LGR5: variants seen among roughly 807,000 people sequenced by gnomAD.
The protein encoded by LGR5 is leucine rich repeat containing G protein-coupled receptor 5, also known as leucine-rich repeat-containing G protein-coupled receptor 5.
In LGR5, 54 loss-of-function variants were observed where a neutral mutation model predicts 76.7. The ratio of observed to expected loss-of-function variants is 0.70; its 90% CI spans 0.57 to 0.88. The LOEUF is 0.88. Among genes scored for constraint, LGR5 ranks in the 40% least tolerant of loss-of-function variants. The pLI is 0.00. For missense variants in LGR5, 1,078 were observed against 1,073.3 expected (o/e 1.00, Z -0.06); for synonymous variants, 406 against 421.9 (o/e 0.96, Z 0.46).
At chr12:71,562,620 G>A (rs1370853616) in intron 8 of LGR5, among the ~76,000 whole-genome samples, 1 of 152,138 alleles carries the variant, frequency 6.6e-6, no homozygotes, top group Non-Finnish European at 1.5e-5. Context: ...CTAATTTTAT[G>A]TTTCATATTT....
intron 3 of LGR5, among the ~76,000 whole-genome samples, chr12:71,534,503 A>G (rs1592521611): frequency 8.1e-6 from 1 of 123,990 alleles, no homozygotes; most frequent in Non-Finnish European, 1.9e-5. Flanking sequence ...CAGATCCTTT[A>G]AAAAACATAT....
chr12:71,574,826 G>T (rs532744189), intron 13 of LGR5, among the ~76,000 whole-genome samples: 3 of 152,106 alleles, frequency 2.0e-5, no homozygotes, highest in Non-Finnish European at 4.4e-5. Flanking sequence ...TTCTATCTTT[G>T]GGCCCACTTC....
intron 1 of LGR5, among the ~76,000 whole-genome samples, chr12:71,457,564 C>T (rs1872534963): frequency 6.6e-6 from 1 of 152,028 alleles, no homozygotes; most frequent in African/African-American, 2.4e-5. Context: ...AGAGAAACTC[C>T]AGCTAAAGAT....
chr12:71,574,776 C>G (rs1192697892), intron 13 of LGR5, among the ~76,000 whole-genome samples: 4 of 152,080 alleles, frequency 2.6e-5, no homozygotes, highest in Admixed American at 2.6e-4. Context: ...TCCTCCCCAC[C>G]CATGACTTGT....
At chr12:71,522,398 C>G (rs997655866) in intron 2 of LGR5, among the ~76,000 whole-genome samples, 4 of 152,100 alleles carry the variant, frequency 2.6e-5, no homozygotes, top group Non-Finnish European at 4.4e-5. Flanking sequence ...AAATAAAATA[C>G]CTTTGCCCTG....
intron 3 of LGR5, 146 bp downstream of exon 3, chr12:71,524,623 T>A (rs980248894): frequency 2.0e-6 from 1 of 504,636 alleles, no homozygotes; most frequent in African/African-American, 2.0e-5. Context: ...ATTGGTACCA[T>A]ACAGCCATAT....
Position 71,572,528 on chromosome 12 carries a change from C to T in LGR5, c.1137-322C>T, listed in dbSNP as rs572643795. Among the ~76,000 whole-genome samples the T allele has an allele frequency of 1.6e-4, 24 of 152,290 alleles. No individual in the cohort carries two copies. The South Asian group carries it at 4.8e-3, about 30-fold the overall frequency. ...CCATCTGTAAAAGGTAAAGAATTTACCCTCCTGAAGACCCTCAAAGAATCC... is the reference window on the plus strand; with the variant it reads ...CCATCTGTAAAAGGTAAAGAATTTATCCTCCTGAAGACCCTCAAAGAATCC... On this transcript the variant is annotated intron_variant, in intron 12 of 17. Transcript: ENST00000266674.
intron 2 of LGR5, among the ~76,000 whole-genome samples, chr12:71,509,271 C>T (rs190020448): frequency 5.9e-5 from 9 of 152,186 alleles, no homozygotes; most frequent in Admixed American, 4.6e-4. Flanking sequence ...GATGAAAGAA[C>T]GTTGGTAAAC....
rs562266315 is a variant in LGR5 at position 71,465,057 on chromosome 12, C to T, written c.212+24765C>T. On this transcript the variant is annotated intron_variant, in intron 1 of 17. Transcript: ENST00000266674. ...ATGTCCCTTCATACCTTCAGACCGA[C>T]CAGTTATTGGAGGCAGGCGTCCCCC... 2.8e-3 allele frequency among the ~76,000 whole-genome samples: 432 copies of T among 152,234 alleles called. 3 individuals carry two copies. Among genetic ancestry groups the T allele is most frequent in the Middle Eastern group, 0.02 (6 of 294 alleles).
chr12:71,468,095 G>C (rs1157190438), intron 1 of LGR5, among the ~76,000 whole-genome samples: 1 of 152,118 alleles, frequency 6.6e-6, no homozygotes, highest in Non-Finnish European at 1.5e-5. Flanking sequence ...TATTTATTTT[G>C]ATGGCCAGAA....
chr12:71,480,357 T>G (rs1873537553), intron 1 of LGR5, among the ~76,000 whole-genome samples: 1 of 123,876 alleles, frequency 8.1e-6, no homozygotes, highest in African/African-American at 3.6e-5. Context: ...TGAGACTCTG[T>G]CTCAAAAAAA....
In LGR5 at chr12:71,440,377, G is replaced by A; in HGVS notation, c.212+85G>A. ...AAGGCGAGGCTGGAGGCTCCTCGGC[G>A]CCCGCCTGCTCGTGGGGGAGGGGGG... On this transcript the variant is annotated intron_variant, in intron 1 of 17. Transcript: ENST00000266674. This position sits in a 1 kb window ranked among gnomAD's most constrained non-coding sequence, Gnocchi z 5.3. The A allele has an allele frequency of 1.5e-6, 2 of 1,331,786 alleles. No homozygotes were observed. The highest frequency in any genetic ancestry group is 2.1e-6 in the Non-Finnish European group (2 of 951,698). The allele number at this position is 1,331,786 out of a possible 1,614,324, so 82.5% of individuals were successfully genotyped here. A position where few individuals can be genotyped will look rare whatever the true frequency, so the allele number is the denominator to read the frequency against.
intron 4 of LGR5, among the ~76,000 whole-genome samples, chr12:71,542,860 T>C (rs1050911847): frequency 1.3e-5 from 2 of 151,324 alleles, no homozygotes; most frequent in African/African-American, 4.9e-5. Flanking sequence ...AATCCAGATC[T>C]GGATGGAAAG....
chr12:71,471,029 G>A (rs1873080264), intron 1 of LGR5, among the ~76,000 whole-genome samples: 1 of 152,212 alleles, frequency 6.6e-6, no homozygotes, highest in African/African-American at 2.4e-5. Context: ...CATGAGGACA[G>A]GAATGTTGTT....
intron 1 of LGR5, among the ~76,000 whole-genome samples, chr12:71,501,347 C>A (rs35188601): frequency 0.092 from 14,058 of 152,226 alleles, 696 homozygotes; most frequent in Non-Finnish European, 0.11. Flanking sequence ...GACCTCGGTT[C>A]TAGGCCTGGC....
intron 5 of LGR5, among the ~76,000 whole-genome samples, chr12:71,555,586 A>G (rs1295140555): frequency 6.6e-6 from 1 of 152,192 alleles, no homozygotes; most frequent in Non-Finnish European, 1.5e-5. Context: ...CTGGGAAGGT[A>G]GCCATTATAG....
At position 71,584,438 on chromosome 12, in the gene LGR5, CCA is replaced by C; in HGVS notation, c.2430_2431del (p.Leu811SerfsTer17). The C allele has an allele frequency of 6.2e-7, 1 of 1,613,988 alleles. No homozygotes were observed. The highest frequency in any genetic ancestry group is 8.5e-7 in the Non-Finnish European group (1 of 1,179,884). On this transcript the variant is annotated frameshift_variant, in exon 18 of 18. Coordinates refer to ENST00000266674, the MANE Select transcript of LGR5 (RefSeq NM_003667.4). LOFTEE classifies it high-confidence loss of function. Reference protein sequence around the residue: ...VIKFILLVVVPLPACLNPLLY... With the variant: ...VIKFILLVVVXLPACLNPLLY... Reference sequence around the variant, plus strand: ...TAAGTTTATCCTTCTGGTGGTAGTCCCACTTCCTGCATGTCTCAATCCCCTTC... The same window carrying C: ...TAAGTTTATCCTTCTGGTGGTAGTCCCTTCCTGCATGTCTCAATCCCCTTC...
chr12:71,566,917 G>C lies in LGR5; in HGVS notation c.1070+5G>C. 2 of 1,603,760 alleles carry C rather than the reference G, an allele frequency of 1.2e-6. No individual in the cohort carries two copies. The highest frequency in any genetic ancestry group is 2.7e-5 in the African/African-American group (2 of 74,808). Reference sequence around the variant, plus strand: ...GTTACCTAATCTCCAAGTGCTGTGCGTATCAGTAAGGCAATAATGTTGTGT... The same window carrying C: ...GTTACCTAATCTCCAAGTGCTGTGCCTATCAGTAAGGCAATAATGTTGTGT... On this transcript the variant is annotated splice_donor_5th_base_variant and intron_variant, in intron 11 of 17. Transcript: ENST00000266674.
chr12:71,556,642 A>C lies in LGR5; in HGVS notation c.668A>C (p.His223Pro). The C allele has an allele frequency of 6.2e-7, 1 of 1,611,912 alleles. No individual in the cohort carries two copies. Among genetic ancestry groups the C allele is most frequent in the Non-Finnish European group, 8.5e-7 (1 of 1,178,250 alleles). The change falls in exon 6 of 18, where the codon CAC becomes CCC. Residue 223 changes from histidine to proline, a missense_variant. Transcript: ENST00000266674. ...VVLHLHNNRI[H>P]SLGKKCFDGL... Reference sequence around the variant, plus strand: ...AGACATCTCCATAACAATAGAATCCACTCCCTGGGAAAGAAATGCTTTGAT... The same window carrying C: ...AGACATCTCCATAACAATAGAATCCCCTCCCTGGGAAAGAAATGCTTTGAT...
Sources: gnomAD v4.1 joint callset for allele counts (sites outside exome capture counted in the v4.1 genomes callset) on GRCh38, gnomAD v4.1.1 for gene constraint, Gnocchi (gnomAD v3.1) non-coding constraint, MANE v1.5 for transcripts, NCBI Gene and HGNC (gene_info 2026-07-23, HGNC 2026-07-21) for gene names.